Variants in BCAP31 observed in about 807,000 individuals in gnomAD.
BCAP31 encodes B-cell receptor-associated protein 31.
For missense variants in BCAP31, 124 were observed against 193.0 expected (o/e 0.64, Z 2.12); for synonymous variants, 75 against 80.9 (o/e 0.93, Z 0.39).
chrX:153,700,656 C>T lies in BCAP31; in HGVS notation c.*281G>A. 2 of 295,815 alleles carry T rather than the reference C, an allele frequency of 6.8e-6. No individual in the cohort carries two copies. Among genetic ancestry groups the T allele is most frequent in the East Asian group, 5.7e-5 (1 of 17,687 alleles). 24.4% of individuals were successfully genotyped at this position (295,815 alleles called of 1,213,427 possible). On this transcript the variant is annotated 3_prime_UTR_variant, in exon 8 of 8. Coordinates refer to ENST00000345046, the MANE Select transcript of BCAP31 (RefSeq NM_001256447.2). ...ACCGCAAGCCGGACTACAACTAACT[C>T]GTGCTCTCCACGCTCAGGCGTGGAA...
At chrX:153,711,524 C>A (rs1452252667) in intron 4 of BCAP31, among the ~76,000 whole-genome samples, 1 of 112,339 alleles carries the variant, frequency 8.9e-6, no homozygotes, top group Non-Finnish European at 1.9e-5. Context: ...AACCATCTAA[C>A]CTGCTCGGGC....
At chrX:153,709,558 G>A (rs1291412355) in intron 4 of BCAP31, among the ~76,000 whole-genome samples, 5 of 112,482 alleles carry the variant, frequency 4.4e-5, no homozygotes, top group Non-Finnish European at 9.4e-5. Flanking sequence ...CTGTGCCCCC[G>A]AAGTGCAAGG....
chrX:153,706,608 G>A (rs1227309479), intron 4 of BCAP31, among the ~76,000 whole-genome samples: 2 of 112,663 alleles, frequency 1.8e-5, no homozygotes, highest in African/African-American at 6.5e-5. Context: ...TCTTATCCCC[G>A]AAAGGGTTTT....
intron 3 of BCAP31, among the ~76,000 whole-genome samples, chrX:153,716,409 G>A (rs2091628043): frequency 9.2e-6 from 1 of 108,459 alleles, no homozygotes; most frequent in Non-Finnish European, 1.9e-5. Context: ...TGAACCTGGA[G>A]ATGGAAATGC....
chrX:153,703,943 G>A lies in BCAP31; in HGVS notation c.477+16C>T, dbSNP rs782131581. ...ACACCAGGACGCCCCATGGTGGGTC[G>A]GGAAGCTGGGCTCACCTTCTTGAGC... On this transcript the variant is annotated intron_variant, in intron 5 of 7. Transcript: ENST00000345046. 1.5e-5 allele frequency: 18 copies of A among 1,207,288 alleles called. No individual in the cohort carries two copies. The highest frequency in any genetic ancestry group is 2.3e-4 in the Middle Eastern group (1 of 4,362).
intron 2 of BCAP31, among the ~76,000 whole-genome samples, chrX:153,722,310 C>T (rs2091672790): frequency 8.9e-6 from 1 of 112,226 alleles, no homozygotes; most frequent in Non-Finnish European, 1.9e-5. Flanking sequence ...AGATAAACGT[C>T]TTAAATCCAG....
intron 6 of BCAP31, 146 bp downstream of exon 6, chrX:153,702,789 G>A (rs1379614581): frequency 2.9e-5 from 25 of 866,054 alleles, no homozygotes; most frequent in African/African-American, 8.1e-5. Context: ...GGTTGGAGGC[G>A]CAGGGTGCTA....
chrX:153,713,556 T>G (rs1197705935), intron 4 of BCAP31, among the ~76,000 whole-genome samples: 1 of 111,860 alleles, frequency 8.9e-6, no homozygotes, highest in African/African-American at 3.3e-5. Flanking sequence ...TACCTTCTCC[T>G]CCCTTTGGAA....
At chrX:153,702,340 A>C (rs2091524112) in intron 6 of BCAP31, 1 of 346,281 alleles carries the variant, frequency 2.9e-6, no homozygotes, top group South Asian at 4.3e-5. Flanking sequence ...GCCATCCCCC[A>C]GTCCCTTTAA....
chrX:153,723,497 TG>T lies in BCAP31; in HGVS notation c.-44-210del, dbSNP rs1251002430. 9 of 1,154,097 alleles carry T rather than the reference TG, an allele frequency of 7.8e-6. No individual in the cohort carries two copies. In the East Asian group the frequency reaches 3.0e-4, roughly 38 times the overall value. On this transcript the variant is annotated intron_variant, in intron 1 of 7. Transcript: ENST00000345046. ...ACAGGCCCCACAAACTTCCGTTCGC[TG>T]GTCAATTACCTGCCCCCTCCAGCAC...
chrX:153,702,158 A>AG, intron 6 of BCAP31, 51 bp from the exon 7 acceptor site: 1 of 1,096,789 alleles, frequency 9.1e-7, no homozygotes, highest in East Asian at 3.1e-5. Context: ...GACAGGAATT[A>AG]GGGGGAAAAA....
intron 3 of BCAP31, 121 bp from the exon 4 acceptor site, chrX:153,715,810 A>G: frequency 1.2e-6 from 1 of 862,958 alleles, no homozygotes; most frequent in Non-Finnish European, 1.7e-6. Context: ...CCGCCTCCCC[A>G]GTTCTTCCCA....
At chrX:153,707,022 T>C (rs1557048406) in intron 4 of BCAP31, among the ~76,000 whole-genome samples, 1 of 111,508 alleles carries the variant, frequency 9.0e-6, no homozygotes, top group Non-Finnish European at 1.9e-5. Flanking sequence ...CGTGGCCCCC[T>C]GCTCTAGTAA....
chrX:153,703,100 G>A lies in BCAP31; in HGVS notation c.478-42C>T, dbSNP rs782424703. On this transcript the variant is annotated intron_variant, in intron 5 of 7. Transcript: ENST00000345046. ...AGGCCAGGGTTACTCAGGAGGGAGG[G>A]AGGGAGAGGTTCCAGCCCCATCCTC... 9.5e-5 allele frequency: 114 copies of A among 1,201,460 alleles called. No individual in the cohort carries two copies. The East Asian group carries it at 3.3e-3, about 34-fold the overall frequency.
chrX:153,701,133 G>A, intron 7 of BCAP31, among the ~76,000 whole-genome samples, 158 bp from the exon 8 acceptor site: 1 of 111,896 alleles, frequency 8.9e-6, no homozygotes, highest in Non-Finnish European at 1.9e-5. Context: ...TGCACCCAAA[G>A]GCCTGCCAGG....
At chrX:153,710,592 G>A (rs1303938268) in intron 4 of BCAP31, among the ~76,000 whole-genome samples, 1 of 111,998 alleles carries the variant, frequency 8.9e-6, no homozygotes, top group Non-Finnish European at 1.9e-5. Flanking sequence ...GAAGGCTTTG[G>A]CTGGGAAGCT....
At chrX:153,723,560 T>C (rs986827369) in intron 1 of BCAP31, 1 of 1,167,208 alleles carries the variant, frequency 8.6e-7, no homozygotes, top group African/African-American at 1.8e-5. Context: ...CTCCCGACGA[T>C]CCCTGCCCCA....
chrX:153,709,914 G>A (rs1160046633), intron 4 of BCAP31, among the ~76,000 whole-genome samples: 3 of 112,758 alleles, frequency 2.7e-5, no homozygotes, highest in Non-Finnish European at 5.6e-5. Flanking sequence ...CCTCAGAGCT[G>A]CGTGTGCAGG....
intron 3 of BCAP31, among the ~76,000 whole-genome samples, chrX:153,716,963 CAT>C (rs2091633645): frequency 9.0e-6 from 1 of 110,727 alleles, no homozygotes; most frequent in Middle Eastern, 4.2e-3. Context: ...GATCCCATAA[CAT>C]AATCACATCT....
Sources: gnomAD v4.1 joint callset for allele counts (sites outside exome capture counted in the v4.1 genomes callset) on GRCh38, gnomAD v4.1.1 for gene constraint, MANE v1.5 for transcripts, NCBI Gene and HGNC (gene_info 2026-07-23, HGNC 2026-07-21) for gene names.